TIA1: variants seen among roughly 807,000 people sequenced by gnomAD.
TIA1 encodes the protein TIA1 cytotoxic granule associated RNA binding protein, also known as cytotoxic granule associated RNA binding protein TIA1.
TIA1 carries 23 observed loss-of-function variants against 65.9 expected under a neutral mutation model. The ratio of observed to expected loss-of-function variants is 0.35; its 90% confidence interval spans 0.25 to 0.49. The LOEUF is 0.49. Ranked by LOEUF, TIA1 falls within the 20% of genes least tolerant of loss-of-function variation. The pLI, the probability that TIA1 is intolerant of heterozygous loss-of-function variation, is 0.98. For missense variants in TIA1, 371 were observed against 477.9 expected, an observed-to-expected ratio of 0.78 and a Z score of 2.09; for synonymous variants, 147 against 149.4, an observed-to-expected ratio of 0.98 and a Z score of 0.12.
chr2:70,215,606 G>A, intron 10 of TIA1, 112 bp from the exon 11 acceptor site: 1 of 963,682 alleles, frequency 1.0e-6, no homozygotes, highest in Non-Finnish European at 1.5e-6. Context: ...TGCGTAACAT[G>A]GCATATTTTC....
intron 1 of TIA1, among the ~76,000 whole-genome samples, chr2:70,246,586 A>C (rs1694439367): frequency 6.6e-6 from 1 of 152,160 alleles, no homozygotes; most frequent in African/African-American, 2.4e-5. Flanking sequence ...TAAATGTAAT[A>C]GTTAAAAGTT....
At position 70,212,386 on chromosome 2, in the gene TIA1, T is replaced by C. The variant is rs1676709076; in HGVS notation, c.*333A>G. On this transcript the variant is annotated 3_prime_UTR_variant, in exon 13 of 13. Coordinates refer to ENST00000433529, the MANE Select transcript of TIA1 (RefSeq NM_022173.4). The stretch of plus-strand genomic sequence containing the variant: ...AGGAATGCAAACTAGAACTGCACAC[T>C]ACTTCAGTGGAAAAAAGTTCAATAT... 1 of 220,532 alleles carries C rather than the reference T, an allele frequency of 4.5e-6. No individual in the cohort carries two copies. Among genetic ancestry groups the C allele is most frequent in the Non-Finnish European group, 9.4e-6 (1 of 106,500 alleles). 13.7% of individuals were successfully genotyped at this position (220,532 alleles called of 1,614,324 possible). A position where few individuals can be genotyped will look rare whatever the true frequency, so the allele number is the denominator to read the frequency against.
chr2:70,213,923 A>T (rs1220840536), intron 12 of TIA1, among the ~76,000 whole-genome samples: 1 of 152,184 alleles, frequency 6.6e-6, no homozygotes, highest in Non-Finnish European at 1.5e-5. Flanking sequence ...AAATGCTGGG[A>T]TTACAGGCAG....
chr2:70,220,364 G>C (rs1680723395), intron 7 of TIA1, among the ~76,000 whole-genome samples: 1 of 152,022 alleles, frequency 6.6e-6, no homozygotes, highest in South Asian at 2.1e-4. Context: ...AGTTGTGATT[G>C]TGCCACCACA....
At chr2:70,215,611 AT>A in intron 10 of TIA1, 117 bp from the exon 11 acceptor site, 2 of 925,658 alleles carry the variant, frequency 2.2e-6, no homozygotes, top group Non-Finnish European at 3.1e-6. Flanking sequence ...AACATGGCAT[AT>A]TTTCTTTGCT....
intron 1 of TIA1, among the ~76,000 whole-genome samples, chr2:70,240,188 T>C (rs1179523577): frequency 6.6e-6 from 1 of 152,166 alleles, no homozygotes; most frequent in Non-Finnish European, 1.5e-5. Context: ...AAATTTTCAA[T>C]TATTTTATAG....
At chr2:70,219,461 G>A (rs956972467) in intron 7 of TIA1, among the ~76,000 whole-genome samples, 1 of 151,978 alleles carries the variant, frequency 6.6e-6, no homozygotes, top group Admixed American at 6.6e-5. Flanking sequence ...CAAATTCAAG[G>A]CCTTTCTTGA....
In TIA1 at chr2:70,217,005, C is replaced by T; in HGVS notation, c.475-11G>A. On this transcript the variant is annotated splice_polypyrimidine_tract_variant and intron_variant, in intron 7 of 12. Transcript: ENST00000433529. ...GGCGTTTTCAGCATCCTGTTCCGTACAACATTAGAAACAATAAAGAAGTCA... is the reference window on the plus strand; with the variant it reads ...GGCGTTTTCAGCATCCTGTTCCGTATAACATTAGAAACAATAAAGAAGTCA... 6.2e-7 allele frequency: 1 copy of T among 1,603,652 alleles called. No individual in the cohort carries two copies.
At chr2:70,230,651 T>TC in intron 3 of TIA1, 105 bp downstream of exon 3, 1 of 714,934 alleles carries the variant, frequency 1.4e-6, no homozygotes, top group Non-Finnish European at 2.0e-6. Flanking sequence ...AAATTTCATC[T>TC]CAAAAAAAAA....
At chr2:70,224,755 C>A in intron 6 of TIA1, 126 bp from the exon 7 acceptor site, 1 of 1,433,672 alleles carries the variant, frequency 7.0e-7, no homozygotes, top group Non-Finnish European at 9.2e-7. Flanking sequence ...GCAAATTCAC[C>A]TTTTATTCTA....
chr2:70,213,762 C>T (rs1027298830), intron 12 of TIA1, among the ~76,000 whole-genome samples: 1 of 152,128 alleles, frequency 6.6e-6, no homozygotes, highest in Non-Finnish European at 1.5e-5. Flanking sequence ...AGTGATTCTC[C>T]TGCCTCGGCC....
At chr2:70,248,634 G>A (rs1378699426), upstream of TIA1, 2 of 696,600 alleles carry the variant, frequency 2.9e-6, no homozygotes, top group South Asian at 1.8e-5. Context: ...GCGGCGAGCC[G>A]GGAGCCTAGG....
rs541695325 is a variant in TIA1 at position 70,243,229 on chromosome 2, C to T, written c.26+5176G>A. Among the ~76,000 whole-genome samples, 32 of 152,180 alleles carry T rather than the reference C, an allele frequency of 2.1e-4. No homozygotes were observed. The South Asian group carries it at 2.9e-3, about 14-fold the overall frequency. On this transcript the variant is annotated intron_variant, in intron 1 of 12. Transcript: ENST00000433529. ...TCGCTTGAGCCCAGGAGTTGGAGAC[C>T]AGCCTGGGCAACACAGTGAGATCGC...
At chr2:70,228,948 A>G in intron 5 of TIA1, 111 bp downstream of exon 5, 3 of 1,281,048 alleles carry the variant, frequency 2.3e-6, no homozygotes, top group East Asian at 4.7e-5. Context: ...GACAAATAGA[A>G]ATAATATCTC....
At chr2:70,227,420 C>A (rs1324234313) in intron 6 of TIA1, among the ~76,000 whole-genome samples, 1 of 152,184 alleles carries the variant, frequency 6.6e-6, no homozygotes, top group Non-Finnish European at 1.5e-5. Flanking sequence ...AGTTACAGCA[C>A]AATTTTACTA....
chr2:70,228,956 C>A, intron 5 of TIA1, 103 bp downstream of exon 5: 2 of 1,024,626 alleles, frequency 2.0e-6, no homozygotes, highest in South Asian at 3.4e-5. Flanking sequence ...GAAATAATAT[C>A]TCCTCCCGCC....
intron 1 of TIA1, among the ~76,000 whole-genome samples, chr2:70,240,782 G>C (rs979871932): frequency 3.3e-5 from 5 of 152,110 alleles, no homozygotes; most frequent in Middle Eastern, 3.2e-3. Flanking sequence ...GGAGGCACAA[G>C]AATCACTTGA....
intron 1 of TIA1, among the ~76,000 whole-genome samples, chr2:70,236,379 A>G (rs1267359779): frequency 6.6e-6 from 1 of 151,890 alleles, no homozygotes; most frequent in African/African-American, 2.4e-5. Flanking sequence ...TTGTATTTTT[A>G]GTAGAGACGG....
chr2:70,247,554 T>C (rs1175481234), intron 1 of TIA1, among the ~76,000 whole-genome samples: 2 of 152,108 alleles, frequency 1.3e-5, no homozygotes, highest in Non-Finnish European at 2.9e-5. Flanking sequence ...CATCCGATAA[T>C]ACCTCGAAAA....
Sources: allele counts gnomAD v4.1 joint callset (sites outside exome capture counted in the v4.1 genomes callset), GRCh38; gene constraint gnomAD v4.1.1; transcripts MANE v1.5; gene names NCBI Gene and HGNC (gene_info 2026-07-23, HGNC 2026-07-21).